CTNNA2: variants seen among roughly 807,000 people sequenced by gnomAD.
The protein encoded by CTNNA2 is catenin alpha-2.
CTNNA2 carries 42 observed loss-of-function variants against 101.0 expected under a neutral mutation model. That is an observed-to-expected ratio of 0.42 (90% CI 0.32 to 0.54). The LOEUF (loss-of-function observed/expected upper bound fraction) is 0.54, where lower values mean the gene tolerates loss of function less well. Among genes scored for constraint, CTNNA2 ranks in the 20% least tolerant of loss-of-function variants. The pLI is 0.14. For missense variants in CTNNA2, 871 were observed against 1,223.1 expected (o/e 0.71, Z 4.29); for synonymous variants, 450 against 456.4 (o/e 0.99, Z 0.18).
chr2:79,512,959 C>T (rs1671601415), upstream of CTNNA2: 1 of 151,856 alleles, frequency 6.6e-6, no homozygotes, highest in Non-Finnish European at 1.5e-5. Flanking sequence ...GCCGCTGCCG[C>T]TCGCGCTTGG....
intron 9 of CTNNA2, among the ~76,000 whole-genome samples, chr2:80,537,032 C>T (rs1435618990): frequency 2.0e-5 from 3 of 152,046 alleles, no homozygotes; most frequent in East Asian, 3.9e-4. Context: ...GGTTTTAAGC[C>T]CCACATGCAT....
At chr2:80,506,233 G>T (rs1688265413) in intron 9 of CTNNA2, among the ~76,000 whole-genome samples, 1 of 152,178 alleles carries the variant, frequency 6.6e-6, no homozygotes, top group African/African-American at 2.4e-5. Flanking sequence ...CTGGTTAGAG[G>T]AGTCGAGGAG....
chr2:79,632,594 G>A (rs901805198), intron 1 of CTNNA2, among the ~76,000 whole-genome samples: 2 of 152,218 alleles, frequency 1.3e-5, no homozygotes, highest in African/African-American at 4.8e-5. Flanking sequence ...CCCAAGTTAT[G>A]TTATGGGTTA....
chr2:79,503,053 G>T (rs578235055), intron 4 of CTNNA2, among the ~76,000 whole-genome samples: 2 of 152,106 alleles, frequency 1.3e-5, no homozygotes, highest in Non-Finnish European at 2.9e-5. Flanking sequence ...CTCATATCCC[G>T]ATATGGCACT....
chr2:80,305,090 G>C lies in CTNNA2; in HGVS notation c.1057-88121G>C. 4 of 985,272 alleles carry C rather than the reference G, an allele frequency of 4.1e-6. No homozygotes were observed. The South Asian group carries it at 1.9e-4, about 46-fold the overall frequency. 61.0% of individuals were successfully genotyped at this position (985,272 alleles called of 1,614,324 possible). ...TGTAAGAGATACGTAGGAATCTGTA[G>C]AGAAATCAACGTTTGGACCTTTGCT... On this transcript the variant is annotated intron_variant, in intron 7 of 18. Transcript: ENST00000402739.
chr2:80,178,760 G>A (rs1011595514), intron 7 of CTNNA2, among the ~76,000 whole-genome samples: 1 of 152,154 alleles, frequency 6.6e-6, no homozygotes, highest in Non-Finnish European at 1.5e-5. Flanking sequence ...TGTAGGAGGG[G>A]CCAAATGCAG....
chr2:79,729,532 A>G (rs1209931883), intron 2 of CTNNA2, among the ~76,000 whole-genome samples: 1 of 152,124 alleles, frequency 6.6e-6, no homozygotes. Flanking sequence ...CCATTCTGCA[A>G]TTTCAGAAAT....
At chr2:80,337,994 C>CT (rs59516673) in intron 7 of CTNNA2, among the ~76,000 whole-genome samples, 10,526 of 145,120 alleles carry the variant, frequency 0.073, 364 homozygotes, top group Non-Finnish European at 0.091. Flanking sequence ...GTTTACTTTT[C>CT]TTTTTTTTTT....
intron 4 of CTNNA2, among the ~76,000 whole-genome samples, chr2:79,412,892 G>A (rs1213717653): frequency 6.6e-6 from 1 of 152,074 alleles, no homozygotes; most frequent in African/African-American, 2.4e-5. Flanking sequence ...GGTGATAGTA[G>A]CAGCTTCCAT....
intron 3 of CTNNA2, among the ~76,000 whole-genome samples, chr2:79,854,509 C>A (rs966730868): frequency 6.6e-6 from 1 of 152,170 alleles, no homozygotes; most frequent in Non-Finnish European, 1.5e-5. Flanking sequence ...GGGGTGGAGT[C>A]GAGATCTGAA....
At chr2:80,595,881 T>C (rs1050547495) in intron 15 of CTNNA2, among the ~76,000 whole-genome samples, 30 of 152,176 alleles carry the variant, frequency 2.0e-4, no homozygotes, top group African/African-American at 7.0e-4. Flanking sequence ...TAAAGTAGTT[T>C]TTTTCTAATT....
chr2:79,548,514 C>T (rs1211583138), intron 1 of CTNNA2, among the ~76,000 whole-genome samples: 1 of 152,154 alleles, frequency 6.6e-6, no homozygotes, highest in Non-Finnish European at 1.5e-5. Flanking sequence ...CTGAATCTGG[C>T]CAGTTCTCCA....
intron 18 of CTNNA2, among the ~76,000 whole-genome samples, chr2:80,626,655 C>T (rs1428747782): frequency 6.6e-6 from 1 of 151,908 alleles, no homozygotes; most frequent in East Asian, 1.9e-4. Flanking sequence ...AATTAAATTA[C>T]CCTTATAAGA....
intron 7 of CTNNA2, among the ~76,000 whole-genome samples, chr2:80,211,769 C>A (rs1199024157): frequency 6.6e-6 from 1 of 152,120 alleles, no homozygotes; most frequent in Non-Finnish European, 1.5e-5. Context: ...TCATTGGTAG[C>A]TTGATGGGGA....
chr2:79,522,726 TGGGAC>T (rs1450212137), intron 1 of CTNNA2, among the ~76,000 whole-genome samples: 1 of 152,130 alleles, frequency 6.6e-6, no homozygotes, highest in African/African-American at 2.4e-5. Flanking sequence ...GAACTAAAGC[TGGGAC>T]ACTGATAACT....
chr2:79,423,940 C>T (rs933133962), intron 4 of CTNNA2, among the ~76,000 whole-genome samples: 2 of 152,036 alleles, frequency 1.3e-5, no homozygotes, highest in Non-Finnish European at 2.9e-5. Flanking sequence ...TTATCTTTTA[C>T]CTTGACCAAA....
intron 2 of CTNNA2, among the ~76,000 whole-genome samples, chr2:79,719,772 C>T (rs374399986): frequency 2.6e-5 from 4 of 151,880 alleles, no homozygotes; most frequent in Non-Finnish European, 5.9e-5. Context: ...GTTTAACTTC[C>T]TTATGTATTC....
At chr2:79,928,381 A>C (rs1214407135) in intron 7 of CTNNA2, among the ~76,000 whole-genome samples, 1 of 152,224 alleles carries the variant, frequency 6.6e-6, no homozygotes, top group Non-Finnish European at 1.5e-5. Context: ...TTGGAACAGG[A>C]AAAAATTGAA....
chr2:79,801,330 A>G (rs1270745883), intron 3 of CTNNA2, among the ~76,000 whole-genome samples: 1 of 151,908 alleles, frequency 6.6e-6, no homozygotes, highest in Non-Finnish European at 1.5e-5. Context: ...AGCTTTTGGA[A>G]CTCTTGGGGG....
Sources: allele counts gnomAD v4.1 joint callset (sites outside exome capture counted in the v4.1 genomes callset), GRCh38; gene constraint gnomAD v4.1.1; transcripts MANE v1.5; gene names NCBI Gene and HGNC (gene_info 2026-07-23, HGNC 2026-07-21).